The following AACS variants were observed in gnomAD, a reference collection of about 807,000 sequenced individuals.
AACS encodes the protein acetoacetyl-CoA synthetase.
AACS carries 69 observed loss-of-function variants against 83.1 expected under a neutral mutation model. That is an observed-to-expected ratio of 0.83 (90% CI 0.68 to 1.01). AACS has a LOEUF of 1.01. Among genes scored for constraint, AACS ranks in the 50% least tolerant of loss-of-function variants. The probability of loss-of-function intolerance (pLI) is 0.00; values close to 1 mark genes in which losing one functional copy is unlikely to be tolerated. For synonymous variants in AACS, 333 were observed against 343.4 expected, an observed-to-expected ratio of 0.97 and a Z score of 0.33; for missense variants, 866 against 882.2, an observed-to-expected ratio of 0.98 and a Z score of 0.23.
At chr12:125,086,196 TC>T in intron 3 of AACS, 133 bp from the exon 4 acceptor site, 1 of 706,056 alleles carries the variant, frequency 1.4e-6, no homozygotes. Context: ...TTGCTTGTGT[TC>T]CCTGCGTCTG....
At chr12:125,083,763 C>T (rs758221319) in intron 3 of AACS, among the ~76,000 whole-genome samples, 1 of 152,080 alleles carries the variant, frequency 6.6e-6, no homozygotes, top group Non-Finnish European at 1.5e-5. Context: ...AAGCAATTCT[C>T]CTGCCTCAGC....
At position 125,076,623 on chromosome 12, in the gene AACS, T is replaced by C; in HGVS notation, c.358+12T>C. 1 of 1,613,776 alleles carries C rather than the reference T, an allele frequency of 6.2e-7. No individual in the cohort carries two copies. Among genetic ancestry groups the C allele is most frequent in the Non-Finnish European group, 8.5e-7 (1 of 1,179,834 alleles). On this transcript the variant is annotated intron_variant, in intron 3 of 17. Transcript: ENST00000316519. ...CCTTTACATTGCAAGTAAGTCCTGA[T>C]GGCGAGACCTGGGATTTCCTCCGTG...
chr12:125,095,762 C>T (rs1398407964), intron 5 of AACS, among the ~76,000 whole-genome samples: 1 of 152,188 alleles, frequency 6.6e-6, no homozygotes, highest in East Asian at 1.9e-4. Context: ...ATCTTAGCAC[C>T]CGAATCTGTT....
At chr12:125,070,190 G>C (rs1387017583) in intron 1 of AACS, among the ~76,000 whole-genome samples, 1 of 152,144 alleles carries the variant, frequency 6.6e-6, no homozygotes, top group African/African-American at 2.4e-5. Flanking sequence ...AAGCGGTTGC[G>C]GTTCTCCTGT....
chr12:125,067,202 G>T (rs1022027572), intron 1 of AACS, among the ~76,000 whole-genome samples: 4 of 152,156 alleles, frequency 2.6e-5, no homozygotes, highest in Non-Finnish European at 5.9e-5. Flanking sequence ...ACCCAGAGCT[G>T]TTCCTCTCCT....
At chr12:125,079,742 A>T (rs1956122463) in intron 3 of AACS, among the ~76,000 whole-genome samples, 1 of 152,132 alleles carries the variant, frequency 6.6e-6, no homozygotes, top group African/African-American at 2.4e-5. Flanking sequence ...ATACCCTTTT[A>T]AAGCCTGCAG....
In AACS at chr12:125,068,829, T is replaced by C. The variant is rs375537720; in HGVS notation, c.133+3112T>C. Among the ~76,000 whole-genome samples, 30 of 142,872 alleles carry C rather than the reference T, an allele frequency of 2.1e-4. 2 individuals carry two copies. The highest frequency in any genetic ancestry group is 1.8e-3 in the Admixed American group (23 of 12,978). 93.7% of individuals were successfully genotyped at this position (142,872 alleles called of 152,430 possible). ...TTTCATTCTGCCCTGCCTTTTTGTG[T>C]ATTTGTGAGCATTCTTTTTTTTTTT... On this transcript the variant is annotated intron_variant, in intron 1 of 17. Coordinates refer to ENST00000316519, the MANE Select transcript of AACS (RefSeq NM_023928.5).
Position 125,129,722 on chromosome 12 carries a change from C to A in AACS, c.1549+262C>A, listed in dbSNP as rs919397282. On this transcript the variant is annotated intron_variant, in intron 14 of 17. Transcript: ENST00000316519. This position sits in a 1 kb window ranked among gnomAD's most constrained non-coding sequence, Gnocchi z 4.3. ...TCTGCCCAGAGCCTCTTGGCCCCAG[C>A]CCCTGCTGCTGGGAGCTGGCACGAG... 6.6e-6 allele frequency among the ~76,000 whole-genome samples: 1 copy of A among 152,208 alleles called. No homozygotes were observed. Among genetic ancestry groups the A allele is most frequent in the African/African-American group, 2.4e-5 (1 of 41,452 alleles).
chr12:125,134,724 C>T, intron 15 of AACS, 70 bp from the exon 16 acceptor site: 1 of 1,579,108 alleles, frequency 6.3e-7, no homozygotes, highest in Non-Finnish European at 8.7e-7. Flanking sequence ...TGACTGCCCT[C>T]CCGTGGGACC....
intron 12 of AACS, chr12:125,126,579 G>GTTT (rs35956139): frequency 1.2e-4 from 17 of 140,142 alleles, no homozygotes; most frequent in Admixed American, 1.4e-4. Flanking sequence ...CTTTGGGTCA[G>GTTT]TTTTTTTTTT....
chr12:125,142,362 G>C lies in AACS; in HGVS notation c.*133G>C. 3.1e-6 allele frequency: 4 copies of C among 1,294,832 alleles called. No individual in the cohort carries two copies. Among genetic ancestry groups the C allele is most frequent in the Non-Finnish European group, 4.2e-6 (4 of 957,612 alleles). The allele number at this position is 1,294,832 out of a possible 1,614,324, so 80.2% of individuals were successfully genotyped here. ...CAAGTGTTCTGTAGGCTTGGGGAGG[G>C]ATCGTTTCTCTGTTTTGTTAAATCT... On this transcript the variant is annotated 3_prime_UTR_variant, in exon 18 of 18. Transcript: ENST00000316519.
chr12:125,134,827 C>T lies in AACS; in HGVS notation c.1653C>T (p.Phe551=), dbSNP rs764967789. 6.2e-6 allele frequency: 10 copies of T among 1,614,026 alleles called. No homozygotes were observed. Among genetic ancestry groups the T allele is most frequent in the Middle Eastern group, 3.3e-4 (2 of 6,084 alleles). Reference sequence around the variant, plus strand: ...CCCTCAACCCCAACGGGGTGCGGTTCGGCAGCTCGGAAATCTATAACATTG... The same window carrying T: ...CCCTCAACCCCAACGGGGTGCGGTTTGGCAGCTCGGAAATCTATAACATTG... ...DGTLNPNGVR[F]GSSEIYNIVE... The change falls in exon 16 of 18, where the codon TTC becomes TTT. Residue 551 remains phenylalanine, a synonymous_variant. Coordinates refer to ENST00000316519, the MANE Select transcript of AACS (RefSeq NM_023928.5).
chr12:125,118,420 A>C (rs999415806), intron 9 of AACS: 36 of 572,926 alleles, frequency 6.3e-5, no homozygotes, highest in African/African-American at 6.3e-4. Context: ...TGCAACAGAC[A>C]TTCTGTGACA....
At chr12:125,065,896 A>C (rs1489426780) in intron 1 of AACS, among the ~76,000 whole-genome samples, 179 bp downstream of exon 1, 3 of 151,912 alleles carry the variant, frequency 2.0e-5, no homozygotes, top group African/African-American at 7.3e-5. Context: ...CCTCCACAGC[A>C]CCTCCTGGCA....
intron 17 of AACS, 144 bp from the exon 18 acceptor site, chr12:125,141,948 G>A: frequency 2.0e-6 from 2 of 985,254 alleles, no homozygotes; most frequent in Non-Finnish European, 3.1e-6. Flanking sequence ...GACCTGGTGG[G>A]AAGAGGGGCA....
intron 1 of AACS, among the ~76,000 whole-genome samples, chr12:125,066,155 C>A (rs1227930993): frequency 6.6e-6 from 1 of 152,148 alleles, no homozygotes; most frequent in Non-Finnish European, 1.5e-5. Context: ...TGCACTCTGT[C>A]CCCCTGACCT....
intron 5 of AACS, among the ~76,000 whole-genome samples, chr12:125,096,248 T>C (rs1956605582): frequency 6.6e-6 from 1 of 152,222 alleles, no homozygotes; most frequent in South Asian, 2.1e-4. Flanking sequence ...TGCCCAGCCT[T>C]ATTGCCCCTC....
chr12:125,102,834 T>G, intron 6 of AACS, 41 bp downstream of exon 6: 1 of 1,578,710 alleles, frequency 6.3e-7, no homozygotes, highest in Admixed American at 1.7e-5. Context: ...TGGCTGGGTG[T>G]GTGTGTGGGT....
At position 125,113,061 on chromosome 12, in the gene AACS, A is replaced by AGTCTCT. The variant is rs1483841508; in HGVS notation, c.916-1414_916-1409dup. Among the ~76,000 whole-genome samples, 3 of 152,180 alleles carry AGTCTCT rather than the reference A, an allele frequency of 2.0e-5. No individual in the cohort carries two copies. Among genetic ancestry groups the AGTCTCT allele is most frequent in the African/African-American group, 7.2e-5 (3 of 41,448 alleles). On this transcript the variant is annotated intron_variant, in intron 8 of 17. Transcript: ENST00000316519. This position sits in a 1 kb window ranked among gnomAD's most constrained non-coding sequence, Gnocchi z 4.8. Reference sequence around the variant, plus strand: ...GGCAGCGTCTGCCTGTCTGCCTGGCAGTCTCTGGAAGCTTCAGTTGCTGCT... The same window carrying AGTCTCT: ...GGCAGCGTCTGCCTGTCTGCCTGGCAGTCTCTGTCTCTGGAAGCTTCAGTTGCTGCT...
Sources: gnomAD v4.1 joint callset for allele counts (sites outside exome capture counted in the v4.1 genomes callset) on GRCh38, gnomAD v4.1.1 for gene constraint, Gnocchi (gnomAD v3.1) non-coding constraint, MANE v1.5 for transcripts, NCBI Gene and HGNC (gene_info 2026-07-23, HGNC 2026-07-21) for gene names.